RELN: variants seen among roughly 807,000 people sequenced by gnomAD.
RELN encodes the protein reelin.
RELN carries 108 observed loss-of-function variants against 427.6 expected under a neutral mutation model. The observed-to-expected ratio is 0.25, with a 90% CI of 0.22 to 0.30. The LOEUF (loss-of-function observed/expected upper bound fraction) is 0.30. Among genes scored for constraint, RELN ranks in the 10% least tolerant of loss-of-function variants. The pLI is 1.00. For synonymous variants in RELN, 1,524 were observed against 1,513.4 expected (o/e 1.01, Z -0.16); for missense variants, 3,715 against 4,302.8 (o/e 0.86, Z 3.82).
At chr7:103,842,457 A>G (rs536689765) in intron 2 of RELN, among the ~76,000 whole-genome samples, 1 of 152,322 alleles carries the variant, frequency 6.6e-6, no homozygotes, top group Admixed American at 6.5e-5. Flanking sequence ...GTACTCAGAC[A>G]TTTCAACAAA....
At chr7:103,494,959 C>T (rs1022592892) in intron 57 of RELN, among the ~76,000 whole-genome samples, 1 of 151,558 alleles carries the variant, frequency 6.6e-6, no homozygotes, top group Non-Finnish European at 1.5e-5. Context: ...GGAGAGACAG[C>T]GGAAGGGAAG....
At chr7:103,596,746 T>A in intron 24 of RELN, 85 bp from the exon 25 acceptor site, 2 of 1,132,190 alleles carry the variant, frequency 1.8e-6, no homozygotes, top group Non-Finnish European at 2.7e-6. Context: ...CACATGGACA[T>A]CTTAGCACTA....
At chr7:103,913,627 T>C (rs1483301284) in intron 2 of RELN, among the ~76,000 whole-genome samples, 1 of 152,146 alleles carries the variant, frequency 6.6e-6, no homozygotes, top group East Asian at 1.9e-4. Flanking sequence ...AAATTAAATG[T>C]TTAATTTTGT....
rs1157347059 is a variant in RELN at position 103,910,389 on chromosome 7, T to C, written c.337+6686A>G. On this transcript the variant is annotated intron_variant, in intron 2 of 64. Transcript: ENST00000428762. Reference sequence around the variant, plus strand: ...ACAATTTGATTTCCTCTTTTCCTAATTGAATACCCTTTATTTCCTTCTCCT... The same window carrying C: ...ACAATTTGATTTCCTCTTTTCCTAACTGAATACCCTTTATTTCCTTCTCCT... Among the ~76,000 whole-genome samples the C allele has an allele frequency of 4.6e-5, 7 of 151,330 alleles. 1 individual carries two copies. Among genetic ancestry groups the C allele is most frequent in the Non-Finnish European group, 7.4e-5 (5 of 67,906 alleles).
chr7:103,827,355 G>A (rs369781195), intron 3 of RELN, among the ~76,000 whole-genome samples: 1 of 151,922 alleles, frequency 6.6e-6, no homozygotes, highest in African/African-American at 2.4e-5. Flanking sequence ...GGAGAAAAGA[G>A]GGGGGAAAAT....
intron 2 of RELN, among the ~76,000 whole-genome samples, chr7:103,900,852 C>A (rs1795068350): frequency 6.6e-6 from 1 of 151,718 alleles, no homozygotes; most frequent in Non-Finnish European, 1.5e-5. Flanking sequence ...CAAGATGGAT[C>A]AAAAACTTAA....
chr7:103,510,449 G>A (rs560932140), intron 51 of RELN, among the ~76,000 whole-genome samples: 2 of 152,224 alleles, frequency 1.3e-5, no homozygotes, highest in South Asian at 2.1e-4. Context: ...AGAACACATC[G>A]CCACAGGGAG....
At chr7:103,742,269 T>A (rs531010) in intron 6 of RELN, among the ~76,000 whole-genome samples, 33,248 of 151,870 alleles carry the variant, frequency 0.22, 4,805 homozygotes, top group African/African-American at 0.41. Context: ...CATCTGTACG[T>A]CACCATCATC....
intron 2 of RELN, among the ~76,000 whole-genome samples, chr7:103,876,779 T>C (rs1794489178): frequency 6.8e-6 from 1 of 147,154 alleles, no homozygotes; most frequent in South Asian, 2.3e-4. Flanking sequence ...AAATGTCTGC[T>C]CTTTTTTTTA....
chr7:103,614,779 T>A (rs1300211286), intron 20 of RELN, among the ~76,000 whole-genome samples: 1 of 152,236 alleles, frequency 6.6e-6, no homozygotes, highest in Admixed American at 6.5e-5. Flanking sequence ...TCATACTTCC[T>A]GGTACCATAT....
rs559852253 is a variant in RELN at position 103,752,682 on chromosome 7, T to TGG, written c.577+498_577+499dup. 3.7e-4 allele frequency among the ~76,000 whole-genome samples: 56 copies of TGG among 152,292 alleles called. 1 individual carries two copies. The South Asian group carries it at 0.011, about 30-fold the overall frequency. On this transcript the variant is annotated intron_variant, in intron 5 of 64. Coordinates refer to ENST00000428762, the MANE Select transcript of RELN (RefSeq NM_005045.4). ...TTCCCACCTCAGCCTCCTAAACTGT[T>TGG]GGGGTTACAGGCATGAGCCACCATG... is the stretch of plus-strand genomic sequence containing the variant.
intron 2 of RELN, among the ~76,000 whole-genome samples, chr7:103,896,698 C>T (rs1794968447): frequency 6.6e-6 from 1 of 151,960 alleles, no homozygotes; most frequent in Non-Finnish European, 1.5e-5. Context: ...TTTATTAAAT[C>T]TCACCTCATA....
chr7:103,632,724 T>C (rs540204308), intron 19 of RELN, among the ~76,000 whole-genome samples: 1 of 152,262 alleles, frequency 6.6e-6, no homozygotes, highest in South Asian at 2.1e-4. Flanking sequence ...ATAGATTTTT[T>C]TAAATGTTTT....
At chr7:103,682,000 A>T in intron 11 of RELN, 116 bp downstream of exon 11, 1 of 1,007,058 alleles carries the variant, frequency 9.9e-7, no homozygotes, top group Non-Finnish European at 1.6e-6. Flanking sequence ...CTACGATAAG[A>T]ATCATCAGTA....
At chr7:103,738,225 T>C (rs1790543196) in intron 6 of RELN, among the ~76,000 whole-genome samples, 1 of 151,424 alleles carries the variant, frequency 6.6e-6, no homozygotes, top group South Asian at 2.1e-4. Context: ...AAAATAAGCA[T>C]TAAAGGGATA....
In RELN at chr7:103,574,224, G is replaced by T. The variant is rs1049892741; in HGVS notation, c.4379C>A (p.Pro1460His). The T allele has an allele frequency of 4.3e-6, 7 of 1,614,016 alleles. No homozygotes were observed. Among genetic ancestry groups the T allele is most frequent in the Non-Finnish European group, 5.9e-6 (7 of 1,180,016 alleles). The change falls in exon 30 of 65, where the codon CCT becomes CAT. Residue 1460 changes from proline (P) to histidine (H), a missense_variant. This residue lies in a region of RELN where 2,208 missense variants were observed against 2,361.7 expected (regional missense o/e 0.93). Transcript: ENST00000428762. ...GGCACCTGTTATCTTGTACCACAGAGGGCTGAGCTTCCCCTCAAACCTATC... is the reference window on the plus strand; with the variant it reads ...GGCACCTGTTATCTTGTACCACAGATGGCTGAGCTTCCCCTCAAACCTATC... ...MFDRFEGKLS[P>H]LWYKITGAQV...
At chr7:103,909,607 A>C (rs1025059771) in intron 2 of RELN, among the ~76,000 whole-genome samples, 1 of 134,142 alleles carries the variant, frequency 7.5e-6, no homozygotes, top group Admixed American at 8.7e-5. Context: ...ACTTCATCTC[A>C]AAAACAAACA....
chr7:103,960,446 T>TC (rs1303922330), intron 1 of RELN, among the ~76,000 whole-genome samples: 1 of 152,208 alleles, frequency 6.6e-6, no homozygotes, highest in Non-Finnish European at 1.5e-5. Flanking sequence ...TTCCCTATCC[T>TC]CCTTCCCTGC....
intron 41 of RELN, among the ~76,000 whole-genome samples, chr7:103,546,786 T>C (rs1039911145): frequency 1.3e-5 from 2 of 152,336 alleles, no homozygotes; most frequent in African/African-American, 4.8e-5. Context: ...GTTGTGAAAG[T>C]CCTTATGAGC....
Sources: allele counts gnomAD v4.1 joint callset (sites outside exome capture counted in the v4.1 genomes callset), GRCh38; gene constraint gnomAD v4.1.1; regional missense constraint gnomAD v4.1.1; transcripts MANE v1.5; gene names NCBI Gene and HGNC (gene_info 2026-07-23, HGNC 2026-07-21).